The following SGCE variants were observed in gnomAD, a reference collection of about 807,000 sequenced individuals.
SGCE encodes sarcoglycan epsilon, also known as epsilon-sarcoglycan.
In SGCE, 26 loss-of-function variants were observed where a neutral mutation model predicts 57.8. The observed-to-expected ratio is 0.45, with a 90% CI of 0.33 to 0.62. SGCE has a LOEUF of 0.62. Ranked by LOEUF, SGCE falls within the 20% of genes least tolerant of loss-of-function variation. The pLI is 0.02. For missense variants in SGCE, 468 were observed against 548.6 expected (o/e 0.85, Z 1.47); for synonymous variants, 183 against 189.5 (o/e 0.97, Z 0.28).
rs1046554951 is a variant in SGCE, at chr7:94,588,230, T to G, written c.1297+459A>C. 4 of 1,049,606 alleles carry G rather than the reference T, an allele frequency of 3.8e-6. No homozygotes were observed. The East Asian group carries it at 3.3e-4, about 86-fold the overall frequency. The allele number at this position is 1,049,606 out of a possible 1,614,324, so 65.0% of individuals were successfully genotyped here. The stretch of plus-strand genomic sequence containing the variant: ...CATTGGTCATGTTATAACAGCTTTT[T>G]AAAGCGGCTTTAAAACCAGGCCAGC... On this transcript the variant is annotated intron_variant, in intron 10 of 10. Transcript: ENST00000648936.
At chr7:94,637,941 G>A (rs188549000) in intron 1 of SGCE, among the ~76,000 whole-genome samples, 61 of 152,264 alleles carry the variant, frequency 4.0e-4, no homozygotes, top group African/African-American at 1.3e-3. Flanking sequence ...GAAGGACACC[G>A]GGGACCCATA....
intron 1 of SGCE, among the ~76,000 whole-genome samples, chr7:94,645,258 G>A (rs1806902357): frequency 6.6e-6 from 1 of 152,078 alleles, no homozygotes; most frequent in African/African-American, 2.4e-5. Context: ...TACACAAAAT[G>A]ATATACACAT....
chr7:94,592,499 T>C (rs748686209), intron 9 of SGCE, among the ~76,000 whole-genome samples: 15 of 152,196 alleles, frequency 9.9e-5, no homozygotes, highest in Non-Finnish European at 2.1e-4. Context: ...AACTGCATTA[T>C]GTAGAAATTT....
At chr7:94,639,720 A>G (rs1021869231) in intron 1 of SGCE, among the ~76,000 whole-genome samples, 1 of 152,240 alleles carries the variant, frequency 6.6e-6, no homozygotes, top group African/African-American at 2.4e-5. Context: ...ATACACATAT[A>G]TACACACACA....
chr7:94,629,645 A>G (rs987608454), intron 2 of SGCE, 74 bp downstream of exon 2: 19 of 1,267,572 alleles, frequency 1.5e-5, no homozygotes, highest in Middle Eastern at 1.9e-4. Context: ...ATTTTATCAT[A>G]TATGTCTATA....
chr7:94,598,416 A>G (rs1436117939), intron 9 of SGCE: 1 of 253,500 alleles, frequency 3.9e-6, no homozygotes, highest in African/African-American at 2.3e-5. Context: ...TTTAAACCAA[A>G]TAATTCTAAT....
chr7:94,618,666 T>C, intron 5 of SGCE, 92 bp downstream of exon 5: 1 of 1,039,124 alleles, frequency 9.6e-7, no homozygotes, highest in Non-Finnish European at 1.4e-6. Flanking sequence ...AAACGAAAAA[T>C]GCAATAGGCC....
intron 5 of SGCE, among the ~76,000 whole-genome samples, chr7:94,603,824 T>G (rs1413675963): frequency 6.6e-6 from 1 of 152,178 alleles, no homozygotes; most frequent in Non-Finnish European, 1.5e-5. Context: ...TAAGGTAAAT[T>G]AGGAAATAAC....
chr7:94,613,434 T>C (rs1801380398), intron 5 of SGCE, among the ~76,000 whole-genome samples: 1 of 152,178 alleles, frequency 6.6e-6, no homozygotes. Flanking sequence ...ATTTCAAATG[T>C]GTATAAACAG....
chr7:94,587,537 A>G, intron 10 of SGCE: 1 of 1,298,496 alleles, frequency 7.7e-7, no homozygotes, highest in Non-Finnish European at 9.7e-7. Context: ...TAGCTGTGAA[A>G]TTAGTGGTAG....
chr7:94,622,406 T>C (rs946121539), intron 4 of SGCE: 1 of 152,214 alleles, frequency 6.6e-6, no homozygotes, highest in Non-Finnish European at 1.5e-5. Flanking sequence ...GGCAGGTGGA[T>C]CACATGAAGT....
intron 1 of SGCE, among the ~76,000 whole-genome samples, chr7:94,639,637 G>A (rs1439405008): frequency 6.6e-6 from 1 of 152,100 alleles, no homozygotes; most frequent in African/African-American, 2.4e-5. Context: ...GACAACCAAG[G>A]CATAGTTCCT....
intron 1 of SGCE, among the ~76,000 whole-genome samples, chr7:94,640,264 G>T (rs1052646054): frequency 4.6e-5 from 7 of 152,136 alleles, no homozygotes; most frequent in Non-Finnish European, 1.0e-4. Flanking sequence ...ATGTAATGGG[G>T]CTTCACATAC....
chr7:94,623,894 A>G (rs529546352), intron 3 of SGCE: 1 of 359,622 alleles, frequency 2.8e-6, no homozygotes, highest in East Asian at 4.0e-5. Context: ...TTTGGAAATC[A>G]TATCTCACTT....
intron 5 of SGCE, among the ~76,000 whole-genome samples, chr7:94,614,420 T>C (rs1398561096): frequency 6.6e-6 from 1 of 152,198 alleles, no homozygotes; most frequent in African/African-American, 2.4e-5. Flanking sequence ...TCCCTAATGC[T>C]TCAGGATGAA....
intron 1 of SGCE, among the ~76,000 whole-genome samples, chr7:94,645,547 G>A (rs1441265863): frequency 6.6e-6 from 1 of 152,092 alleles, no homozygotes; most frequent in Non-Finnish European, 1.5e-5. Context: ...GCCAGAAGAA[G>A]CTAAAAAAAT....
At chr7:94,633,784 T>C (rs148832616) in intron 1 of SGCE, among the ~76,000 whole-genome samples, 67 of 152,266 alleles carry the variant, frequency 4.4e-4, no homozygotes, top group South Asian at 3.3e-3. Flanking sequence ...AACATTAAAT[T>C]TTGAAAGTAC....
chr7:94,623,221 A>C, intron 4 of SGCE, 104 bp downstream of exon 4: 1 of 655,874 alleles, frequency 1.5e-6, no homozygotes, highest in Non-Finnish European at 2.7e-6. Flanking sequence ...CAGTTATATT[A>C]GGTATGTGGC....
At chr7:94,622,021 G>T (rs535064787) in intron 4 of SGCE, 2 of 141,924 alleles carry the variant, frequency 1.4e-5, no homozygotes, top group South Asian at 2.3e-4. Context: ...CACTTAAGGG[G>T]GTTTAAGTGT....
Sources: gnomAD v4.1 joint callset for allele counts (sites outside exome capture counted in the v4.1 genomes callset) on GRCh38, gnomAD v4.1.1 for gene constraint, MANE v1.5 for transcripts, NCBI Gene and HGNC (gene_info 2026-07-23, HGNC 2026-07-21) for gene names.